The following THADA variants were observed in gnomAD, a reference collection of about 807,000 sequenced individuals.
The protein encoded by THADA is THADA armadillo repeat containing.
In THADA, 213 loss-of-function variants were observed where a neutral mutation model predicts 219.8. That is an observed-to-expected ratio of 0.97 (90% CI 0.87 to 1.09). The LOEUF (loss-of-function observed/expected upper bound fraction) is 1.09. Among genes scored for constraint, THADA ranks in the 50% least tolerant of loss-of-function variants. The pLI, the probability that THADA is intolerant of heterozygous loss-of-function variation, is 0.00. For synonymous variants in THADA, 1,018 were observed against 828.9 expected (o/e 1.23, Z -3.92); for missense variants, 2,956 against 2,311.3 (o/e 1.28, Z -5.72).
intron 12 of THADA, 41 bp downstream of exon 12, chr2:43,572,773 A>T (rs1329367644): frequency 6.3e-7 from 1 of 1,584,668 alleles, no homozygotes; most frequent in East Asian, 2.2e-5. Flanking sequence ...CATGAAAGGG[A>T]TCTACTGCAT....
In THADA at chr2:43,430,276, C is replaced by T. The variant is rs749886006; in HGVS notation, c.3863G>A (p.Arg1288His). The T allele has an allele frequency of 1.5e-5, 24 of 1,549,006 alleles. No homozygotes were observed. Among genetic ancestry groups the T allele is most frequent in the Middle Eastern group, 1.7e-4 (1 of 5,994 alleles). Residue 1288 changes from arginine (R) to histidine (H), a missense_variant, in exon 27 of 38, where the codon CGT becomes CAT. Transcript: ENST00000405975. Reference protein sequence around the residue: ...NRMTGREFFSRFPELYPFLLK... With the variant: ...NRMTGREFFSHFPELYPFLLK... ...AAGAAAAGGATAGAGTTCTGGGAAA[C>T]GAGAGAAAAACTCTCTCCCTGTCAT... is the stretch of plus-strand genomic sequence containing the variant.
At chr2:43,249,265 T>A (rs1330326629) in intron 36 of THADA, among the ~76,000 whole-genome samples, 2 of 152,158 alleles carry the variant, frequency 1.3e-5, no homozygotes, top group African/African-American at 4.8e-5. Flanking sequence ...TTTTGCATTT[T>A]TTGTAGAGAC....
At chr2:43,248,130 AATATATATATATATATATAT>A (rs148694959) in intron 36 of THADA, among the ~76,000 whole-genome samples, 3 of 58,240 alleles carry the variant, frequency 5.2e-5, no homozygotes, top group African/African-American at 1.3e-4. Flanking sequence ...TCCATACAGA[AATATATATATATATATATAT>A]ATATATATAT....
chr2:43,248,687 A>G (rs1477202293), intron 36 of THADA, among the ~76,000 whole-genome samples: 2 of 152,246 alleles, frequency 1.3e-5, no homozygotes, highest in African/African-American at 4.8e-5. Flanking sequence ...TTGAAATCAA[A>G]ACACATGGAA....
At chr2:43,335,339 G>T (rs922088423) in intron 30 of THADA, among the ~76,000 whole-genome samples, 1 of 152,160 alleles carries the variant, frequency 6.6e-6, no homozygotes, top group South Asian at 2.1e-4. Flanking sequence ...CTCAACAAAT[G>T]ATAGTAGTTG....
At chr2:43,584,588 C>A (rs72867080) in intron 7 of THADA, among the ~76,000 whole-genome samples, 5 of 152,098 alleles carry the variant, frequency 3.3e-5, no homozygotes, top group African/African-American at 1.2e-4. Context: ...GGATTGAAAA[C>A]GTAAAAAGAT....
intron 26 of THADA, among the ~76,000 whole-genome samples, chr2:43,473,398 A>G (rs1685146242): frequency 6.6e-6 from 1 of 152,184 alleles, no homozygotes; most frequent in Non-Finnish European, 1.5e-5. Flanking sequence ...ATCAGGAGCA[A>G]TAACAAGCAT....
chr2:43,570,764 G>A (rs974792697), intron 13 of THADA, among the ~76,000 whole-genome samples: 1 of 152,188 alleles, frequency 6.6e-6, no homozygotes, highest in Non-Finnish European at 1.5e-5. Flanking sequence ...AGATGATTTA[G>A]TCATTTCCCT....
At chr2:43,585,988 G>C (rs990772908) in intron 7 of THADA, among the ~76,000 whole-genome samples, 1 of 151,892 alleles carries the variant, frequency 6.6e-6, no homozygotes, top group African/African-American at 2.4e-5. Context: ...AAAGGGGCTG[G>C]GCATAGTGAC....
Position 43,508,875 on chromosome 2 carries a change from T to A in THADA, c.3375-95A>T, listed in dbSNP as rs1690032367. The A allele has an allele frequency of 1.0e-5, 13 of 1,241,158 alleles. No individual in the cohort carries two copies. The East Asian group carries it at 3.1e-4, about 30-fold the overall frequency. The allele number at this position is 1,241,158 out of a possible 1,614,324, so 76.9% of individuals were successfully genotyped here. A position where few individuals can be genotyped will look rare whatever the true frequency, so the allele number is the denominator to read the frequency against. ...ATTTACACTGTTAGTAAATAATAAATATCCTTATATTGAGTGGGGGTGAAA... is the reference window on the plus strand; with the variant it reads ...ATTTACACTGTTAGTAAATAATAAAAATCCTTATATTGAGTGGGGGTGAAA... On this transcript the variant is annotated intron_variant, in intron 22 of 37. Transcript: ENST00000405975.
chr2:43,398,831 G>A (rs960974843), intron 28 of THADA, among the ~76,000 whole-genome samples: 10 of 152,202 alleles, frequency 6.6e-5, no homozygotes, highest in African/African-American at 1.9e-4. Context: ...GGAGTGCTAC[G>A]AATAGCATAG....
chr2:43,293,842 C>A (rs1675040421), intron 31 of THADA, among the ~76,000 whole-genome samples: 1 of 152,186 alleles, frequency 6.6e-6, no homozygotes, highest in Non-Finnish European at 1.5e-5. Context: ...TCTCATTATT[C>A]TAGCTGCTTT....
intron 26 of THADA, among the ~76,000 whole-genome samples, chr2:43,431,204 C>T (rs1246814661): frequency 3.9e-5 from 6 of 152,084 alleles, no homozygotes; most frequent in Non-Finnish European, 8.8e-5. Context: ...AATTGAAATC[C>T]AGAATATCAC....
In THADA at chr2:43,539,826, T is replaced by G. The variant is rs193205524; in HGVS notation, c.3264+1333A>C. On this transcript the variant is annotated intron_variant, in intron 21 of 37. Coordinates refer to ENST00000405975, the MANE Select transcript of THADA (RefSeq NM_022065.5). ...TGTTTTTTTTTTTAACAAACATCTC[T>G]TATTTTACATTAATTCCCAATTTTA... Among the ~76,000 whole-genome samples, 9 of 152,286 alleles carry G rather than the reference T, an allele frequency of 5.9e-5. No homozygotes were observed. The East Asian group carries it at 1.7e-3, about 29-fold the overall frequency.
Position 43,279,867 on chromosome 2 carries a change from A to G in THADA, c.5194T>C (p.Cys1732Arg), listed in dbSNP as rs747380193. The G allele has an allele frequency of 5.0e-5, 78 of 1,560,384 alleles. No individual in the cohort carries two copies. Among genetic ancestry groups the G allele is most frequent in the Non-Finnish European group, 6.0e-5 (69 of 1,156,320 alleles). ...TCACTCTGCAGAAGGGTAAGGACACACTTCCAGAGAGCAAGTGTATCCTGC... is the reference window on the plus strand; with the variant it reads ...TCACTCTGCAGAAGGGTAAGGACACGCTTCCAGAGAGCAAGTGTATCCTGC... ...ELQDTLALWKCVLTLLQSEEQ... is the reference protein window; with the variant it reads ...ELQDTLALWKRVLTLLQSEEQ... The change falls in exon 36 of 38, where the codon TGT becomes CGT. Residue 1732 changes from cysteine (C) to arginine (R), a missense_variant. Transcript: ENST00000405975.
chr2:43,323,793 T>A (rs1257207857), intron 30 of THADA, among the ~76,000 whole-genome samples: 1 of 152,182 alleles, frequency 6.6e-6, no homozygotes, highest in African/African-American at 2.4e-5. Flanking sequence ...AAGTTATACT[T>A]CCAACCGGGC....
intron 36 of THADA, among the ~76,000 whole-genome samples, chr2:43,241,743 C>A (rs1408874700): frequency 6.6e-6 from 1 of 152,048 alleles, no homozygotes; most frequent in African/African-American, 2.4e-5. Flanking sequence ...AAGGCGGATG[C>A]TTCCAGCCTG....
intron 15 of THADA, among the ~76,000 whole-genome samples, chr2:43,560,623 C>T (rs1156776233): frequency 6.6e-6 from 1 of 152,048 alleles, no homozygotes; most frequent in Non-Finnish European, 1.5e-5. Context: ...TTGAAAGATA[C>T]TATATAAAAG....
At chr2:43,271,346 C>T (rs1011746022) in intron 36 of THADA, among the ~76,000 whole-genome samples, 2 of 152,174 alleles carry the variant, frequency 1.3e-5, no homozygotes, top group African/African-American at 4.8e-5. Flanking sequence ...GAAGTCAGGA[C>T]TAAGGCAGGC....
Sources: gnomAD v4.1 joint callset for allele counts (sites outside exome capture counted in the v4.1 genomes callset) on GRCh38, gnomAD v4.1.1 for gene constraint, MANE v1.5 for transcripts, NCBI Gene and HGNC (gene_info 2026-07-23, HGNC 2026-07-21) for gene names.